The following EXOC4 variants were observed in gnomAD, a reference collection of about 807,000 sequenced individuals.
The protein encoded by EXOC4 is SEC8-like 1.
Under a neutral mutation model 107.2 loss-of-function variants are expected in EXOC4, and 71 were observed. The observed-to-expected ratio is 0.66, with a 90% CI of 0.55 to 0.81. The LOEUF (loss-of-function observed/expected upper bound fraction) is 0.81, where lower values mean the gene tolerates loss of function less well. Among genes scored for constraint, EXOC4 ranks in the 30% least tolerant of loss-of-function variants. The probability of loss-of-function intolerance (pLI) is 0.00; values close to 1 mark genes in which losing one functional copy is unlikely to be tolerated. For synonymous variants in EXOC4, 456 were observed against 441.2 expected, an observed-to-expected ratio of 1.03 and a Z score of -0.42; for missense variants, 1,108 against 1,189.6, an observed-to-expected ratio of 0.93 and a Z score of 1.01.
At chr7:134,035,721 G>A (rs578219702) in intron 17 of EXOC4, among the ~76,000 whole-genome samples, 7 of 152,184 alleles carry the variant, frequency 4.6e-5, no homozygotes, top group South Asian at 2.1e-4. Flanking sequence ...AAGAACCCAC[G>A]TTCTTGCCAT....
chr7:133,483,944 A>C, intron 9 of EXOC4: 1 of 1,273,632 alleles, frequency 7.9e-7, no homozygotes, highest in Non-Finnish European at 1.1e-6. Flanking sequence ...TAAGAGACTA[A>C]GGGAAGATTT....
chr7:133,774,215 G>A (rs1018514042), intron 10 of EXOC4, among the ~76,000 whole-genome samples: 1 of 152,052 alleles, frequency 6.6e-6, no homozygotes, highest in African/African-American at 2.4e-5. Flanking sequence ...CTGATCTCTT[G>A]TATTATTCTC....
intron 9 of EXOC4, among the ~76,000 whole-genome samples, chr7:133,485,741 G>A (rs1174523829): frequency 6.6e-6 from 1 of 152,070 alleles, no homozygotes; most frequent in East Asian, 1.9e-4. Flanking sequence ...AGACATATAT[G>A]ATGAACACAT....
intron 9 of EXOC4, among the ~76,000 whole-genome samples, chr7:133,544,403 C>T (rs796363576): frequency 1.6e-4 from 24 of 152,126 alleles, no homozygotes; most frequent in African/African-American, 5.8e-4. Context: ...GTAACTTCCA[C>T]CATTTATTTG....
Position 133,253,116 on chromosome 7 carries a change from A to C in EXOC4, c.15A>C (p.Ala5=). 6.2e-7 allele frequency: 1 copy of C among 1,614,188 alleles called. No individual in the cohort carries two copies. The highest frequency in any genetic ancestry group is 8.5e-7 in the Non-Finnish European group (1 of 1,180,008). ...CCGCGTCCAAGATGGCGGCAGAAGCAGCTGGTGGGAAATACAGAAGCACAG... is the reference window on the plus strand; with the variant it reads ...CCGCGTCCAAGATGGCGGCAGAAGCCGCTGGTGGGAAATACAGAAGCACAG... MAAE[A]AGGKYRSTVS... Residue 5 remains alanine (A), a synonymous_variant, in exon 1 of 18, where the codon GCA becomes GCC. Coordinates refer to ENST00000253861, the MANE Select transcript of EXOC4 (RefSeq NM_021807.4).
chr7:134,027,572 C>T (rs1035352213), intron 17 of EXOC4, among the ~76,000 whole-genome samples: 1 of 149,656 alleles, frequency 6.7e-6, no homozygotes, highest in Non-Finnish European at 1.5e-5. Context: ...GCACGAGAAT[C>T]GCTTGAACCC....
the EXOC4 span, among the ~76,000 whole-genome samples, chr7:134,079,404 AT>A: frequency 2.0e-5 from 3 of 151,296 alleles, no homozygotes; most frequent in South Asian, 4.2e-4. Context: ...AGGTTTACTT[AT>A]TTTTTTTTAA....
chr7:133,317,193 C>A, intron 4 of EXOC4, 91 bp from the exon 5 acceptor site: 1 of 840,786 alleles, frequency 1.2e-6, no homozygotes, highest in Non-Finnish European at 2.0e-6. Context: ...GGGCTCATGA[C>A]AAAAACAAAA....
intron 9 of EXOC4, among the ~76,000 whole-genome samples, chr7:133,515,499 C>A (rs939973724): frequency 6.6e-6 from 1 of 152,044 alleles, no homozygotes; most frequent in African/African-American, 2.4e-5. Context: ...GAGACTGTTT[C>A]ATTCTGTTAC....
chr7:133,451,874 A>AT (rs879386569), intron 7 of EXOC4, among the ~76,000 whole-genome samples: 1 of 152,194 alleles, frequency 6.6e-6, no homozygotes, highest in Non-Finnish European at 1.5e-5. Flanking sequence ...AATGATTTTG[A>AT]GTTGGAAACA....
chr7:134,007,880 C>A lies in EXOC4; in HGVS notation c.2687+45C>A, dbSNP rs564904809. 17 of 1,533,644 alleles carry A rather than the reference C, an allele frequency of 1.1e-5. 1 individual carries two copies. The South Asian group carries it at 1.8e-4, about 16-fold the overall frequency. ...TTAGTTTCTTATGCCAAAGCTAAGA[C>A]CTCGTTGCCTGTGAAGTCATTTTTA... On this transcript the variant is annotated intron_variant, in intron 17 of 17. Coordinates refer to ENST00000253861, the MANE Select transcript of EXOC4 (RefSeq NM_021807.4).
chr7:133,781,708 C>T (rs570573655), intron 10 of EXOC4, among the ~76,000 whole-genome samples: 1 of 152,308 alleles, frequency 6.6e-6, no homozygotes, highest in South Asian at 2.1e-4. Context: ...CCTTCTTCAC[C>T]TCTTCGAGTC....
intron 10 of EXOC4, among the ~76,000 whole-genome samples, chr7:133,696,760 A>C (rs965683853): frequency 6.6e-6 from 1 of 152,088 alleles, no homozygotes; most frequent in Admixed American, 6.6e-5. Context: ...CTGTTGTTGC[A>C]TTTACCACAA....
chr7:133,934,802 A>G (rs1293901191), intron 13 of EXOC4, among the ~76,000 whole-genome samples: 3 of 152,074 alleles, frequency 2.0e-5, no homozygotes, highest in Non-Finnish European at 4.4e-5. Context: ...CTAAATATTT[A>G]CAACCTGACT....
intron 1 of EXOC4, among the ~76,000 whole-genome samples, chr7:133,261,277 T>A (rs907137276): frequency 2.6e-5 from 4 of 151,408 alleles, no homozygotes; most frequent in Admixed American, 2.0e-4. Context: ...TTTTTTTTTT[T>A]TCTTTTTGAG....
chr7:133,264,289 A>T (rs1793663773), intron 1 of EXOC4, among the ~76,000 whole-genome samples: 1 of 152,180 alleles, frequency 6.6e-6, no homozygotes, highest in African/African-American at 2.4e-5. Context: ...GGGTGTAGTA[A>T]TTGGCCCTAA....
At chr7:133,453,352 G>T (rs2150811778) in intron 7 of EXOC4, among the ~76,000 whole-genome samples, 1 of 152,252 alleles carries the variant, frequency 6.6e-6, no homozygotes, top group South Asian at 2.1e-4. Context: ...CTTACTTTCT[G>T]TTGGAGATTG....
intron 11 of EXOC4, among the ~76,000 whole-genome samples, chr7:133,875,893 TA>T (rs1235413354): frequency 6.6e-6 from 1 of 152,204 alleles, no homozygotes; most frequent in Non-Finnish European, 1.5e-5. Flanking sequence ...TTTTTGTTTT[TA>T]CTGGAAACAA....
chr7:133,791,676 A>G (rs924592365), intron 10 of EXOC4, among the ~76,000 whole-genome samples: 2 of 152,208 alleles, frequency 1.3e-5, no homozygotes, highest in Non-Finnish European at 2.9e-5. Context: ...ACACTTGTAA[A>G]CTAGGTTCCC....
Sources: allele counts gnomAD v4.1 joint callset (sites outside exome capture counted in the v4.1 genomes callset), GRCh38; gene constraint gnomAD v4.1.1; transcripts MANE v1.5; gene names NCBI Gene and HGNC (gene_info 2026-07-23, HGNC 2026-07-21).